Variants in RNF217 observed in about 807,000 individuals in gnomAD.
RNF217 encodes E3 ubiquitin-protein ligase RNF217.
A neutral mutation model predicts 57.8 loss-of-function variants in RNF217; 31 were observed. That is an observed-to-expected ratio of 0.54 (90% confidence interval 0.40 to 0.72). The LOEUF is 0.72. RNF217 is among the 30% of genes least tolerant of loss of function. The probability of loss-of-function intolerance (pLI) is 0.00; values close to 1 mark genes in which losing one functional copy is unlikely to be tolerated. For missense variants in RNF217, 696 were observed against 708.3 expected (o/e 0.98, Z 0.20); for synonymous variants, 313 against 294.0 (o/e 1.06, Z -0.66).
intron 5 of RNF217, chr6:125,082,618 C>T (rs1788616219): frequency 1.3e-6 from 2 of 1,574,344 alleles, no homozygotes; most frequent in Admixed American, 1.9e-5. Flanking sequence ...AAGATTTAAA[C>T]CAAAGTTTTG....
intron 1 of RNF217, among the ~76,000 whole-genome samples, chr6:124,994,336 A>T (rs985942903): frequency 1.3e-5 from 2 of 152,128 alleles, no homozygotes; most frequent in Admixed American, 6.6e-5. Context: ...TCCTGACGTG[A>T]TTTCATCTGC....
intron 3 of RNF217, among the ~76,000 whole-genome samples, chr6:125,071,270 C>T (rs1429799158): frequency 3.3e-5 from 5 of 152,110 alleles, no homozygotes; most frequent in Non-Finnish European, 5.9e-5. Flanking sequence ...TTTTGAATTT[C>T]GATCTTTTCC....
intron 1 of RNF217, among the ~76,000 whole-genome samples, chr6:125,021,268 CTTTTT>C (rs3080911): frequency 7.7e-6 from 1 of 130,272 alleles, no homozygotes; most frequent in Non-Finnish European, 1.7e-5. Context: ...ATGGAAAAAG[CTTTTT>C]TTTTTTTTTT....
chr6:124,984,114 C>T (rs576452190), intron 1 of RNF217, among the ~76,000 whole-genome samples: 52 of 152,294 alleles, frequency 3.4e-4, no homozygotes, highest in South Asian at 2.5e-3. Flanking sequence ...GAGAAGCAAA[C>T]ATTCACACCA....
rs1788388812 is a variant in RNF217, at chr6:125,076,728, A to T, written c.1353A>T (p.Arg451=). The change falls in exon 4 of 6, where the codon CGA becomes CGT. Residue 451 remains arginine, a synonymous_variant. Coordinates refer to ENST00000521654, the MANE Select transcript of RNF217 (RefSeq NM_001286398.3). ...AATGTAACACTAATTTTTGTTACCG[A>T]TGTGGTGAGAGATACCGCCAGCTCC... ...CSQCNTNFCY[R]CGERYRQLRF... The T allele has an allele frequency of 6.2e-7, 1 of 1,613,358 alleles. No individual in the cohort carries two copies. The highest frequency in any genetic ancestry group is 1.7e-5 in the Admixed American group (1 of 59,908).
At position 125,082,748 on chromosome 6, in the gene RNF217, A is replaced by G. The variant is rs1788620214; in HGVS notation, c.1556-116A>G. 9.6e-6 allele frequency: 11 copies of G among 1,151,574 alleles called. No homozygotes were observed. In the Admixed American group the frequency reaches 2.3e-4, roughly 25 times the overall value. The allele number at this position is 1,151,574 out of a possible 1,614,324, so 71.3% of individuals were successfully genotyped here. A position where few individuals can be genotyped will look rare whatever the true frequency, so the allele number is the denominator to read the frequency against. ...AAGAAGTAAATACATTTCATAGCAT[A>G]GATGTCTTCTTCTTTGTATGTTCGT... On this transcript the variant is annotated intron_variant, in intron 5 of 5. Coordinates refer to ENST00000521654, the MANE Select transcript of RNF217 (RefSeq NM_001286398.3).
rs371294363 is a variant in RNF217, at chr6:125,082,460, A to G, written c.1556-404A>G. 9 of 1,610,572 alleles carry G rather than the reference A, an allele frequency of 5.6e-6. No homozygotes were observed. In the African/African-American group the frequency reaches 1.2e-4, roughly 22 times the overall value. On this transcript the variant is annotated intron_variant, in intron 5 of 5. Transcript: ENST00000521654. ...TCTGTATTATACAGTTGAGGAAATT[A>G]AGACTTACTGGAACCTCATAAGTGG...
At chr6:125,054,493 T>C (rs1582757772) in intron 2 of RNF217, among the ~76,000 whole-genome samples, 1 of 152,184 alleles carries the variant, frequency 6.6e-6, no homozygotes, top group Admixed American at 6.6e-5. Context: ...ATTGTAGTCA[T>C]TTAGCTCTTC....
chr6:125,065,290 CAAAA>C (rs1192938088), intron 3 of RNF217, among the ~76,000 whole-genome samples: 2 of 63,736 alleles, frequency 3.1e-5, no homozygotes, highest in Non-Finnish European at 3.4e-5. Flanking sequence ...GACTCTGTCT[CAAAA>C]AAAAAAAAAA....
rs1418827127 is a variant in RNF217 at position 125,083,725 on chromosome 6, T to C, written c.*788T>C. On this transcript the variant is annotated 3_prime_UTR_variant, in exon 6 of 6. Transcript: ENST00000521654. Reference sequence around the variant, plus strand: ...TAAAGTCAATGTAGACAACAGGCCATTTCGATACTGAACTTTTCTATTTCT... The same window carrying C: ...TAAAGTCAATGTAGACAACAGGCCACTTCGATACTGAACTTTTCTATTTCT... The C allele has an allele frequency of 2.0e-5, 3 of 152,044 alleles. No homozygotes were observed. The highest frequency in any genetic ancestry group is 4.4e-5 in the Non-Finnish European group (3 of 67,972). The allele number at this position is 152,044 out of a possible 1,614,324, so 9.4% of individuals were successfully genotyped here. A position where few individuals can be genotyped will look rare whatever the true frequency, so the allele number is the denominator to read the frequency against.
chr6:124,982,207 T>A (rs1784202335), intron 1 of RNF217, among the ~76,000 whole-genome samples: 1 of 152,032 alleles, frequency 6.6e-6, no homozygotes, highest in Admixed American at 6.6e-5. Flanking sequence ...GGCTTAGTGA[T>A]TTTTGGGGTC....
chr6:124,965,441 C>T (rs1427170087), intron 1 of RNF217, among the ~76,000 whole-genome samples: 3 of 151,936 alleles, frequency 2.0e-5, no homozygotes, highest in African/African-American at 4.8e-5. Flanking sequence ...GGCATGGTGG[C>T]GCATGCCTGT....
At chr6:125,031,700 A>G (rs560736127) in intron 1 of RNF217, among the ~76,000 whole-genome samples, 3 of 152,276 alleles carry the variant, frequency 2.0e-5, no homozygotes, top group African/African-American at 7.2e-5. Context: ...CATTAAAGCC[A>G]TTCAGCTAGT....
At chr6:125,076,309 A>G (rs981617236) in intron 3 of RNF217, among the ~76,000 whole-genome samples, 1 of 152,184 alleles carries the variant, frequency 6.6e-6, no homozygotes, top group Non-Finnish European at 1.5e-5. Context: ...ATCATAGCAT[A>G]AACAAAATAT....
At chr6:125,042,353 GA>G (rs1786915507) in intron 1 of RNF217, among the ~76,000 whole-genome samples, 1 of 152,020 alleles carries the variant, frequency 6.6e-6, no homozygotes, top group Non-Finnish European at 1.5e-5. Context: ...CATTGTTCCA[GA>G]AATAGATTCA....
Position 125,082,860 on chromosome 6 carries a change from C to A in RNF217, c.1556-4C>A. ...AACTAACTTTAATTTTTTCTTATCC[C>A]TAGGTTTATTTGTATTTCCTATCTA... On this transcript the variant is annotated splice_region_variant and splice_polypyrimidine_tract_variant and intron_variant, in intron 5 of 5. Coordinates refer to ENST00000521654, the MANE Select transcript of RNF217 (RefSeq NM_001286398.3). The A allele has an allele frequency of 6.3e-7, 1 of 1,594,770 alleles. No individual in the cohort carries two copies. The highest frequency in any genetic ancestry group is 8.5e-7 in the Non-Finnish European group (1 of 1,170,006).
intron 1 of RNF217, among the ~76,000 whole-genome samples, chr6:125,008,553 C>G (rs545331267): frequency 6.6e-6 from 1 of 152,200 alleles, no homozygotes; most frequent in East Asian, 1.9e-4. Context: ...CTTTCTCCAC[C>G]CAGTCAAGCT....
intron 2 of RNF217, chr6:125,048,252 A>C (rs1787171632): frequency 7.4e-7 from 1 of 1,351,920 alleles, no homozygotes; most frequent in Non-Finnish European, 9.9e-7. Flanking sequence ...GTTCTTTGTG[A>C]TGAACAGGTG....
chr6:125,022,093 G>A (rs911685440), intron 1 of RNF217, among the ~76,000 whole-genome samples: 1 of 152,016 alleles, frequency 6.6e-6, no homozygotes, highest in Non-Finnish European at 1.5e-5. Flanking sequence ...ATGTTGGCCA[G>A]GCTGCTCTCG....
Sources: allele counts gnomAD v4.1 joint callset (sites outside exome capture counted in the v4.1 genomes callset), GRCh38; gene constraint gnomAD v4.1.1; transcripts MANE v1.5; gene names NCBI Gene and HGNC (gene_info 2026-07-23, HGNC 2026-07-21).